The following ZNF728 variants were observed in gnomAD, a reference collection of about 807,000 sequenced individuals.
ZNF728 encodes zinc finger protein 728.
In ZNF728, 12 loss-of-function variants were observed where a neutral mutation model predicts 12.5. That is an observed-to-expected ratio of 0.96 (90% CI 0.61 to 1.55). The LOEUF (loss-of-function observed/expected upper bound fraction) is 1.55, where lower values mean the gene tolerates loss of function less well. ZNF728 is among the 40% of genes most tolerant of loss of function. The probability of loss-of-function intolerance (pLI) is 0.00; values close to 1 mark genes in which losing one functional copy is unlikely to be tolerated. For missense variants in ZNF728, 692 were observed against 719.2 expected (o/e 0.96, Z 0.43); for synonymous variants, 205 against 240.7 (o/e 0.85, Z 1.37).
chr19:22,994,707 T>G (rs1260956807), intron 1 of ZNF728, among the ~76,000 whole-genome samples: 1 of 152,224 alleles, frequency 6.6e-6, no homozygotes, highest in Non-Finnish European at 1.5e-5. Context: ...TGAACCCCGG[T>G]GCCTGCTGAA....
intron 1 of ZNF728, among the ~76,000 whole-genome samples, chr19:23,002,176 G>A (rs1270298822): frequency 6.6e-6 from 1 of 152,196 alleles, no homozygotes; most frequent in African/African-American, 2.4e-5. Context: ...TTAACGGGGC[G>A]TGGTGGCGCA....
At chr19:22,990,455 T>C (rs1171591467) in intron 1 of ZNF728, among the ~76,000 whole-genome samples, 1 of 152,168 alleles carries the variant, frequency 6.6e-6, no homozygotes, top group African/African-American at 2.4e-5. Context: ...CTGTCCTTTA[T>C]AGCAGAAGAG....
At position 22,976,488 on chromosome 19, in the gene ZNF728, G is replaced by A. The variant is rs754232352; in HGVS notation, c.849C>T (p.Pro283=). 3 of 1,612,440 alleles carry A rather than the reference G, an allele frequency of 1.9e-6. No individual in the cohort carries two copies. The highest frequency in any genetic ancestry group is 1.1e-5 in the South Asian group (1 of 91,044). The change falls in exon 4 of 4, where the codon CCC becomes CCT. Residue 283 remains proline (P), a synonymous_variant. Coordinates refer to ENST00000594710, the MANE Select transcript of ZNF728 (RefSeq NM_001267716.2). ...EHKRSHAGEK[P]YKCEECGKAF... is the part of the protein sequence containing the mutation. ...CTTTGCCACATTCTTCACATTTGTAGGGTTTCTCTCCAGCATGACTTCTCT... is the reference window on the plus strand; with the variant it reads ...CTTTGCCACATTCTTCACATTTGTAAGGTTTCTCTCCAGCATGACTTCTCT...
chr19:22,988,475 A>G (rs745780540), intron 1 of ZNF728, 24 bp from the exon 2 acceptor site: 19 of 1,611,586 alleles, frequency 1.2e-5, no homozygotes, highest in East Asian at 6.7e-5. Context: ...ACAAACACAC[A>G]TATTTACCAA....
chr19:22,983,012 G>T (rs1968876826), intron 3 of ZNF728, among the ~76,000 whole-genome samples: 1 of 151,970 alleles, frequency 6.6e-6, no homozygotes, highest in East Asian at 1.9e-4. Context: ...TGACAAACGG[G>T]ACCTAATTAA....
chr19:22,976,888 T>G lies in ZNF728; in HGVS notation c.449A>C (p.Tyr150Ser). 6.2e-7 allele frequency: 1 copy of G among 1,613,526 alleles called. No homozygotes were observed. Among genetic ancestry groups the G allele is most frequent in the Non-Finnish European group, 8.5e-7 (1 of 1,179,742 alleles). ...TGAACATTTATGAAAGATGTTTGCA[T>G]ATTTGCCACATTGAAATACTTTGCT... ...TQSKVFQCGK[Y>S]ANIFHKCSNS... The change falls in exon 4 of 4, where the codon TAT (tyrosine) becomes TCT (serine). Residue 150 changes from tyrosine to serine, a missense_variant. Transcript: ENST00000594710.
At chr19:22,986,820 C>G (rs970913182) in intron 3 of ZNF728, among the ~76,000 whole-genome samples, 12 of 151,864 alleles carry the variant, frequency 7.9e-5, no homozygotes, top group Admixed American at 6.6e-4. Context: ...GGACAACATA[C>G]TTTATAATTT....
At chr19:22,983,675 C>A (rs890572213) in intron 3 of ZNF728, among the ~76,000 whole-genome samples, 13 of 152,026 alleles carry the variant, frequency 8.6e-5, no homozygotes, top group African/African-American at 3.1e-4. Context: ...ACTATGCAGC[C>A]ATAAAAAAGG....
Position 22,975,908 on chromosome 19 carries a change from C to G in ZNF728, c.1429G>C (p.Glu477Gln). 6.2e-7 allele frequency: 1 copy of G among 1,606,342 alleles called. No individual in the cohort carries two copies. The highest frequency in any genetic ancestry group is 8.5e-7 in the Non-Finnish European group (1 of 1,174,356). The change falls in exon 4 of 4, where the codon GAG (glutamate) becomes CAG (glutamine). Residue 477 changes from glutamate (E) to glutamine (Q), a missense_variant. Transcript: ENST00000594710. Reference protein sequence around the residue: ...LTTHKAIHAGEKLYKCEECGK... With the variant: ...LTTHKAIHAGQKLYKCEECGK... Reference sequence around the variant, plus strand: ...CATTCTTCACATTTGTAGAGTTTCTCTCCAGCATGAATTGCCTTATGTGTA... The same window carrying G: ...CATTCTTCACATTTGTAGAGTTTCTGTCCAGCATGAATTGCCTTATGTGTA...
intron 1 of ZNF728, among the ~76,000 whole-genome samples, chr19:23,000,967 T>C (rs1378590077): frequency 1.3e-5 from 2 of 151,316 alleles, no homozygotes; most frequent in Non-Finnish European, 2.9e-5. Context: ...CTGACTCATG[T>C]GTCAAGTCAG....
Position 22,976,839 on chromosome 19 carries a change from C to A in ZNF728, c.498G>T (p.Arg166Ser). 6.2e-7 allele frequency: 1 copy of A among 1,613,214 alleles called. No homozygotes were observed. The highest frequency in any genetic ancestry group is 8.5e-7 in the Non-Finnish European group (1 of 1,179,690). The change falls in exon 4 of 4, where the codon AGG becomes AGT. Residue 166 changes from arginine to serine, a missense_variant. Transcript: ENST00000594710. ...KCSNSKRHKI[R>S]HTGKKLLKCK... ...ATTTCAAAAGTTTCTTTCCAGTATG[C>A]CTTATCTTATGTCTTTTTGAATTTG...
intron 1 of ZNF728, among the ~76,000 whole-genome samples, chr19:22,993,008 T>C (rs1421638494): frequency 6.6e-6 from 1 of 152,170 alleles, no homozygotes. Flanking sequence ...GGTGGGTAAG[T>C]AGAAGGACAA....
chr19:23,000,061 A>C (rs538255800), intron 1 of ZNF728, among the ~76,000 whole-genome samples: 2 of 152,260 alleles, frequency 1.3e-5, no homozygotes, highest in African/African-American at 4.8e-5. Context: ...GTTTGAAATC[A>C]TTCAGCCATA....
intron 1 of ZNF728, among the ~76,000 whole-genome samples, chr19:22,989,051 CAAAAAAAAAAAAAA>C (rs68080575): frequency 6.0e-5 from 3 of 50,172 alleles, no homozygotes; most frequent in East Asian, 1.6e-3. Context: ...AACTCCATCT[CAAAAAAAAAAAAAA>C]AAAAAAAAAA....
chr19:22,981,969 C>G (rs1342833257), intron 3 of ZNF728, among the ~76,000 whole-genome samples: 1 of 152,100 alleles, frequency 6.6e-6, no homozygotes. Flanking sequence ...AAAACCGGCA[C>G]AAGACAAGGA....
intron 1 of ZNF728, 34 bp from the exon 2 acceptor site, chr19:22,988,485 A>C: frequency 6.2e-7 from 1 of 1,609,970 alleles, no homozygotes; most frequent in Admixed American, 1.7e-5. Context: ...ATATTTACCA[A>C]GTGGTCATGG....
intron 3 of ZNF728, among the ~76,000 whole-genome samples, chr19:22,984,931 T>C (rs1968899902): frequency 6.6e-6 from 1 of 152,150 alleles, no homozygotes; most frequent in Admixed American, 6.5e-5. Context: ...GGTATAAGGA[T>C]GAAAAATTAG....
At chr19:22,981,736 A>G (rs1968863123) in intron 3 of ZNF728, among the ~76,000 whole-genome samples, 1 of 152,228 alleles carries the variant, frequency 6.6e-6, no homozygotes, top group South Asian at 2.1e-4. Flanking sequence ...ATGCAAATCA[A>G]TAAACGTAAT....
chr19:22,990,163 A>C (rs1034113608), intron 1 of ZNF728, among the ~76,000 whole-genome samples: 1 of 152,170 alleles, frequency 6.6e-6, no homozygotes, highest in African/African-American at 2.4e-5. Flanking sequence ...GGGAGGAAAA[A>C]CACAAGTAGA....
Sources: gnomAD v4.1 joint callset for allele counts (sites outside exome capture counted in the v4.1 genomes callset) on GRCh38, gnomAD v4.1.1 for gene constraint, MANE v1.5 for transcripts, NCBI Gene and HGNC (gene_info 2026-07-23, HGNC 2026-07-21) for gene names.